Variants in COX7B2 observed in about 807,000 individuals in gnomAD.
The protein encoded by COX7B2 is cytochrome c oxidase subunit 7B2.
For synonymous variants in COX7B2, 37 were observed against 32.1 expected (o/e 1.15, Z -0.51); for missense variants, 109 against 95.9 (o/e 1.14, Z -0.57).
chr4:46,872,795 A>G (rs563543160), intron 1 of COX7B2, among the ~76,000 whole-genome samples: 2 of 152,232 alleles, frequency 1.3e-5, no homozygotes, highest in South Asian at 4.1e-4. Flanking sequence ...GGGGATAATT[A>G]TGCTAACTTC....
chr4:46,762,810 G>C (rs1403939691), intron 2 of COX7B2, among the ~76,000 whole-genome samples: 2 of 148,362 alleles, frequency 1.3e-5, no homozygotes, highest in Non-Finnish European at 3.0e-5. Context: ...AACAAGGAAA[G>C]TTTGCACCCT....
chr4:46,743,908 A>T (rs1306165290), intron 2 of COX7B2, among the ~76,000 whole-genome samples: 4 of 152,212 alleles, frequency 2.6e-5, no homozygotes, highest in Non-Finnish European at 5.9e-5. Context: ...GCATCTCAAA[A>T]ACTAAATCAT....
chr4:46,867,872 G>C (rs185208691), intron 1 of COX7B2, among the ~76,000 whole-genome samples: 4 of 152,238 alleles, frequency 2.6e-5, no homozygotes, highest in Admixed American at 2.6e-4. Flanking sequence ...TTTGGTATCA[G>C]GATTACACTG....
At chr4:46,820,768 C>T (rs1006047241) in intron 2 of COX7B2, among the ~76,000 whole-genome samples, 1 of 149,364 alleles carries the variant, frequency 6.7e-6, no homozygotes, top group East Asian at 2.0e-4. Flanking sequence ...TTGCAGTGAG[C>T]TGAGATCATG....
intron 2 of COX7B2, among the ~76,000 whole-genome samples, chr4:46,823,386 A>C (rs898260716): frequency 2.0e-5 from 3 of 151,610 alleles, no homozygotes; most frequent in Non-Finnish European, 4.4e-5. Context: ...AACTTTAAGA[A>C]ATTTAAAATG....
chr4:46,907,316 C>A (rs1396565974), intron 1 of COX7B2, among the ~76,000 whole-genome samples: 1 of 152,124 alleles, frequency 6.6e-6, no homozygotes, highest in African/African-American at 2.4e-5. Context: ...AAAAACTTTT[C>A]TTTTTCTCCA....
At chr4:46,842,881 C>T (rs1402033762) in intron 2 of COX7B2, among the ~76,000 whole-genome samples, 3 of 152,050 alleles carry the variant, frequency 2.0e-5, no homozygotes, top group East Asian at 3.9e-4. Context: ...TGTGTCTTTA[C>T]AGCAGCATGA....
rs187672038 is a variant in COX7B2, at chr4:46,830,053, C to T, written c.-50+14907G>A. Reference sequence around the variant, plus strand: ...TATAAAAATGGATAGAGGCCGGGCGCGGTGGCTCACGCATGTAATCCTAGC... The same window carrying T: ...TATAAAAATGGATAGAGGCCGGGCGTGGTGGCTCACGCATGTAATCCTAGC... On this transcript the variant is annotated intron_variant, in intron 2 of 2. Coordinates refer to ENST00000355591, the MANE Select transcript of COX7B2 (RefSeq NM_130902.3). 1.3e-3 allele frequency among the ~76,000 whole-genome samples: 197 copies of T among 152,122 alleles called. 2 individuals are homozygous for T. The highest frequency in any genetic ancestry group is 2.1e-3 in the Non-Finnish European group (142 of 67,986).
At chr4:46,859,071 G>A (rs1717188446) in intron 1 of COX7B2, among the ~76,000 whole-genome samples, 1 of 152,118 alleles carries the variant, frequency 6.6e-6, no homozygotes, top group African/African-American at 2.4e-5. Flanking sequence ...TAAAATATGT[G>A]GATGAGTATG....
intron 1 of COX7B2, among the ~76,000 whole-genome samples, chr4:46,860,006 G>C (rs552843769): frequency 1.3e-5 from 2 of 152,228 alleles, no homozygotes; most frequent in South Asian, 4.2e-4. Flanking sequence ...GCTTGCTCTT[G>C]AATTATTTCC....
chr4:46,805,256 G>A (rs949179057), intron 2 of COX7B2, among the ~76,000 whole-genome samples: 3 of 152,246 alleles, frequency 2.0e-5, no homozygotes, highest in Non-Finnish European at 4.4e-5. Flanking sequence ...GCTGCAGGCT[G>A]AAGGACTCCT....
At chr4:46,855,098 C>G (rs185363285) in intron 1 of COX7B2, among the ~76,000 whole-genome samples, 157 of 152,186 alleles carry the variant, frequency 1.0e-3, no homozygotes, top group African/African-American at 3.6e-3. Context: ...GAGGCTGAGG[C>G]AGGTGGATCA....
At chr4:46,848,341 AAATCAATAC>A (rs1321575123) in intron 1 of COX7B2, among the ~76,000 whole-genome samples, 1 of 152,086 alleles carries the variant, frequency 6.6e-6, no homozygotes, top group African/African-American at 2.4e-5. Flanking sequence ...TTTTTCAAAA[AAATCAATAC>A]AATCAAATCT....
intron 2 of COX7B2, among the ~76,000 whole-genome samples, chr4:46,812,892 G>A (rs935276543): frequency 2.0e-5 from 3 of 152,164 alleles, no homozygotes; most frequent in Non-Finnish European, 4.4e-5. Flanking sequence ...ATTGGGCCAG[G>A]GGCTCATATT....
chr4:46,825,805 G>A (rs1182239256), intron 2 of COX7B2, among the ~76,000 whole-genome samples: 6 of 152,208 alleles, frequency 3.9e-5, no homozygotes, highest in East Asian at 1.9e-4. Context: ...AATAAATGGC[G>A]CTGGGATAAC....
intron 2 of COX7B2, among the ~76,000 whole-genome samples, chr4:46,774,700 C>G (rs1002186907): frequency 6.6e-6 from 1 of 151,810 alleles, no homozygotes; most frequent in African/African-American, 2.4e-5. Context: ...TCTCTCATAT[C>G]CCTATCCATT....
At chr4:46,853,658 T>C (rs1198914517) in intron 1 of COX7B2, among the ~76,000 whole-genome samples, 1 of 152,124 alleles carries the variant, frequency 6.6e-6, no homozygotes, top group African/African-American at 2.4e-5. Context: ...ATTAGGCTTG[T>C]CTTCTATTGT....
intron 2 of COX7B2, among the ~76,000 whole-genome samples, chr4:46,781,976 C>G (rs563248119): frequency 1.2e-4 from 19 of 152,304 alleles, no homozygotes; most frequent in African/African-American, 4.6e-4. Context: ...GCCCGAGCCT[C>G]CCTGATGGGC....
intron 1 of COX7B2, among the ~76,000 whole-genome samples, chr4:46,891,783 T>C (rs1719443906): frequency 6.6e-6 from 1 of 152,300 alleles, no homozygotes. Context: ...AGACCACAGA[T>C]GTTTCAGGGC....
Sources: allele counts gnomAD v4.1 joint callset (sites outside exome capture counted in the v4.1 genomes callset), GRCh38; gene constraint gnomAD v4.1.1; transcripts MANE v1.5; gene names NCBI Gene and HGNC (gene_info 2026-07-23, HGNC 2026-07-21).